LAMC1: variants seen among roughly 807,000 people sequenced by gnomAD.
LAMC1 encodes laminin subunit gamma 1, also known as laminin subunit gamma-1.
LAMC1 carries 38 observed loss-of-function variants against 173.6 expected under a neutral mutation model. That is an observed-to-expected ratio of 0.22 (90% CI 0.17 to 0.29). The LOEUF (loss-of-function observed/expected upper bound fraction) is 0.29, where lower values mean the gene tolerates loss of function less well. Ranked by LOEUF, LAMC1 falls within the 10% of genes least tolerant of loss-of-function variation. The probability of loss-of-function intolerance (pLI) is 1.00; values close to 1 mark genes in which losing one functional copy is unlikely to be tolerated. For synonymous variants in LAMC1, 746 were observed against 749.1 expected, an observed-to-expected ratio of 1.00 and a Z score of 0.07; for missense variants, 1,824 against 2,051.8, an observed-to-expected ratio of 0.89 and a Z score of 2.14.
intron 1 of LAMC1, among the ~76,000 whole-genome samples, chr1:183,093,175 A>T (rs1382163881): frequency 6.6e-6 from 1 of 151,986 alleles, no homozygotes; most frequent in Non-Finnish European, 1.5e-5. Context: ...TTACTTGGAA[A>T]ATTGTTTTTA....
At chr1:183,131,428 GGTGTGTGTGTGTGT>G in intron 20 of LAMC1, 50 bp downstream of exon 20, 8 of 950,368 alleles carry the variant, frequency 8.4e-6, no homozygotes, top group South Asian at 1.5e-5. Flanking sequence ...TCTGTTATGG[GGTGTGTGTGTGTGT>G]GTGTGTGTGT....
chr1:183,089,514 C>T (rs746126885), intron 1 of LAMC1, among the ~76,000 whole-genome samples: 1 of 152,168 alleles, frequency 6.6e-6, no homozygotes, highest in Non-Finnish European at 1.5e-5. Flanking sequence ...AAAAGTTTCT[C>T]CTCATTGGAA....
intron 26 of LAMC1, 148 bp from the exon 27 acceptor site, chr1:183,140,256 A>AAAAAAAAAAAAAAAAAAAAAAAC (rs1657072509): frequency 2.3e-6 from 1 of 437,302 alleles, no homozygotes; most frequent in Non-Finnish European, 4.0e-6. Context: ...AAAAAAAAAA[A>AAAAAAAAAAAAAAAAAAAAAAAC]AAAAAAAAAG....
rs550867563 is a variant in LAMC1 at position 183,026,430 on chromosome 1, T to C, written c.418+2296T>C. ...CTCCCCCCCCCTTTAATGACAAGGT[T>C]ATATGTATACATGTATGTTTCGATC... On this transcript the variant is annotated intron_variant, in intron 1 of 27. Transcript: ENST00000258341. Among the ~76,000 whole-genome samples the C allele has an allele frequency of 4.6e-5, 7 of 152,186 alleles. No individual in the cohort carries two copies. The East Asian group carries it at 1.3e-3, about 29-fold the overall frequency.
intron 16 of LAMC1, among the ~76,000 whole-genome samples, chr1:183,126,509 T>C (rs1214734859): frequency 6.6e-6 from 1 of 152,246 alleles, no homozygotes; most frequent in Non-Finnish European, 1.5e-5. Flanking sequence ...TTCCAATCTT[T>C]TATTTTTTCC....
chr1:183,046,639 T>C (rs914645698), intron 1 of LAMC1, among the ~76,000 whole-genome samples: 4 of 152,106 alleles, frequency 2.6e-5, no homozygotes, highest in Non-Finnish European at 5.9e-5. Context: ...AAAATAAAAC[T>C]TTTTTTGTGT....
chr1:183,124,212 G>C (rs1300113903), intron 13 of LAMC1, among the ~76,000 whole-genome samples: 1 of 152,202 alleles, frequency 6.6e-6, no homozygotes, highest in East Asian at 1.9e-4. Context: ...GAATGGTTCT[G>C]CTCACCCTGT....
chr1:183,107,359 A>G (rs557383223), intron 2 of LAMC1, among the ~76,000 whole-genome samples: 1 of 152,268 alleles, frequency 6.6e-6, no homozygotes, highest in African/African-American at 2.4e-5. Flanking sequence ...GCAATGTTAG[A>G]TAAGGTGGCC....
chr1:183,040,038 G>A (rs1378549771), intron 1 of LAMC1, among the ~76,000 whole-genome samples: 4 of 152,320 alleles, frequency 2.6e-5, no homozygotes, highest in Admixed American at 2.0e-4. Flanking sequence ...GGTGTTGGAG[G>A]TGAGACTCTG....
In LAMC1 at chr1:183,142,852, G is replaced by T. The variant is rs1657154314; in HGVS notation, c.*62G>T. Reference sequence around the variant, plus strand: ...GGGGGCAGTTGTGAGGCCACAGAGTGCCTTGACACAAAGATTACATTTTTC... The same window carrying T: ...GGGGGCAGTTGTGAGGCCACAGAGTTCCTTGACACAAAGATTACATTTTTC... On this transcript the variant is annotated 3_prime_UTR_variant, in exon 28 of 28. Coordinates refer to ENST00000258341, the MANE Select transcript of LAMC1 (RefSeq NM_002293.4). 1 of 1,512,080 alleles carries T rather than the reference G, an allele frequency of 6.6e-7. No homozygotes were observed. Among genetic ancestry groups the T allele is most frequent in the Non-Finnish European group, 8.9e-7 (1 of 1,122,694 alleles). 93.7% of individuals were successfully genotyped at this position (1,512,080 alleles called of 1,614,324 possible).
intron 1 of LAMC1, among the ~76,000 whole-genome samples, chr1:183,029,679 C>G (rs1288984309): frequency 6.6e-6 from 1 of 152,172 alleles, no homozygotes; most frequent in Admixed American, 6.5e-5. Flanking sequence ...AAGTCTCCCA[C>G]TGACGCCACC....
chr1:183,117,200 G>C (rs1656346772), intron 8 of LAMC1, 120 bp from the exon 9 acceptor site: 1 of 1,063,098 alleles, frequency 9.4e-7, no homozygotes, highest in African/African-American at 1.6e-5. Context: ...TATTCAAAAA[G>C]GTTTATTGAT....
chr1:183,120,735 T>C (rs77351670), intron 11 of LAMC1, among the ~76,000 whole-genome samples: 2,550 of 152,310 alleles, frequency 0.017, 79 homozygotes, highest in African/African-American at 0.058. Context: ...TCTGATTTCT[T>C]ATAGAAATGG....
intron 1 of LAMC1, among the ~76,000 whole-genome samples, chr1:183,026,209 TTAAAG>T (rs1653681995): frequency 6.6e-6 from 1 of 152,194 alleles, no homozygotes; most frequent in Non-Finnish European, 1.5e-5. Context: ...AAGTTAAAAG[TTAAAG>T]TATTTTCTTA....
chr1:183,075,719 T>C (rs930329388), intron 1 of LAMC1, among the ~76,000 whole-genome samples: 11 of 152,208 alleles, frequency 7.2e-5, no homozygotes, highest in Admixed American at 7.2e-4. Flanking sequence ...GACTCCCCAC[T>C]CCTTCTCTCA....
intron 1 of LAMC1, among the ~76,000 whole-genome samples, chr1:183,097,593 C>T (rs937102212): frequency 9.9e-5 from 15 of 152,164 alleles, no homozygotes; most frequent in Non-Finnish European, 1.9e-4. Context: ...CCCCAGCAGT[C>T]AGTGCTTGAA....
chr1:183,102,383 G>A (rs954433860), intron 1 of LAMC1, among the ~76,000 whole-genome samples: 1 of 152,216 alleles, frequency 6.6e-6, no homozygotes, highest in African/African-American at 2.4e-5. Flanking sequence ...ATATAGCATA[G>A]AGCTGAGCAT....
rs1008811538 is a variant in LAMC1, at chr1:183,097,663, A to G, written c.419-5665A>G. ...TCAGAGAGATGAGAAATACTTTACCATGTAGGAGGCTTAAGCAGAATTCCT... is the reference window on the plus strand; with the variant it reads ...TCAGAGAGATGAGAAATACTTTACCGTGTAGGAGGCTTAAGCAGAATTCCT... On this transcript the variant is annotated intron_variant, in intron 1 of 27. Transcript: ENST00000258341. 1.7e-4 allele frequency among the ~76,000 whole-genome samples: 26 copies of G among 152,306 alleles called. No individual in the cohort carries two copies. In the East Asian group the frequency reaches 4.4e-3, roughly 26 times the overall value.
At chr1:183,096,997 G>A (rs1346660354) in intron 1 of LAMC1, among the ~76,000 whole-genome samples, 3 of 152,096 alleles carry the variant, frequency 2.0e-5, no homozygotes, top group African/African-American at 7.2e-5. Context: ...TAGTGCTTCC[G>A]ATCATCTGCC....
Sources: allele counts gnomAD v4.1 joint callset (sites outside exome capture counted in the v4.1 genomes callset), GRCh38; gene constraint gnomAD v4.1.1; transcripts MANE v1.5; gene names NCBI Gene and HGNC (gene_info 2026-07-23, HGNC 2026-07-21).